The following DLGAP1 variants were observed in gnomAD, a reference collection of about 807,000 sequenced individuals.
The protein encoded by DLGAP1 is DLG associated protein 1.
Under a neutral mutation model 90.8 loss-of-function variants are expected in DLGAP1, and 11 were observed. The ratio of observed to expected loss-of-function variants is 0.12; its 90% CI spans 0.08 to 0.20. The LOEUF is 0.20. Among genes scored for constraint, DLGAP1 ranks in the 10% least tolerant of loss-of-function variants. DLGAP1 has a pLI of 1.00. For synonymous variants in DLGAP1, 558 were observed against 540.7 expected (o/e 1.03, Z -0.44); for missense variants, 1,050 against 1,333.8 (o/e 0.79, Z 3.31).
chr18:4,111,141 A>G (rs1266998697), intron 2 of DLGAP1, among the ~76,000 whole-genome samples: 2 of 152,074 alleles, frequency 1.3e-5, no homozygotes, highest in Non-Finnish European at 2.9e-5. Context: ...ATTTCGTCAT[A>G]TACTTTTTCT....
chr18:3,656,763 C>G lies in DLGAP1; in HGVS notation c.1591+72372G>C, dbSNP rs189990599. Reference sequence around the variant, plus strand: ...TTTTTTTTTTTTTGAGACAGAGTCTCGCTCTGTCACCCAGGCTGGAGTGCA... The same window carrying G: ...TTTTTTTTTTTTTGAGACAGAGTCTGGCTCTGTCACCCAGGCTGGAGTGCA... On this transcript the variant is annotated intron_variant, in intron 7 of 12. Coordinates refer to ENST00000315677, the MANE Select transcript of DLGAP1 (RefSeq NM_004746.4). Among the ~76,000 whole-genome samples, 51 of 151,434 alleles carry G rather than the reference C, an allele frequency of 3.4e-4. No individual in the cohort carries two copies. The East Asian group carries it at 9.2e-3, about 27-fold the overall frequency.
intron 1 of DLGAP1, among the ~76,000 whole-genome samples, chr18:4,177,351 A>AACAC (rs34299932): frequency 0.021 from 3,043 of 141,610 alleles, 35 homozygotes; most frequent in South Asian, 0.031. Context: ...ACTTTCTTTG[A>AACAC]ACACACACAC....
chr18:3,704,826 A>G (rs888565296), intron 7 of DLGAP1, among the ~76,000 whole-genome samples: 2 of 152,182 alleles, frequency 1.3e-5, no homozygotes, highest in African/African-American at 4.8e-5. Context: ...CTGTGGTCAT[A>G]GAGACTGGCA....
chr18:4,219,027 G>GTTTTTTTTTTTTTTTTTTTTTTT (rs34333673), intron 1 of DLGAP1, among the ~76,000 whole-genome samples: 3 of 92,018 alleles, frequency 3.3e-5, no homozygotes, highest in East Asian at 3.2e-4. Flanking sequence ...TTCTATCTTT[G>GTTTTTTTTTTTTTTTTTTTTTTT]TTTTTTTTTT....
chr18:3,528,110 C>T (rs986327649), intron 10 of DLGAP1, among the ~76,000 whole-genome samples: 1 of 152,194 alleles, frequency 6.6e-6, no homozygotes, highest in Non-Finnish European at 1.5e-5. Context: ...AAGACCAGAT[C>T]TCCTGGGGGG....
rs238114 is a variant in DLGAP1 at position 3,497,854 on chromosome 18, C to G, written c.*1331G>C. The G allele has an allele frequency of 0.37, 55,754 of 152,140 alleles. 10,535 individuals are homozygous for G. The highest frequency in any genetic ancestry group is 0.57 in the South Asian group (2,729 of 4,822). The allele number at this position is 152,140 out of a possible 1,614,324, so 9.4% of individuals were successfully genotyped here. On this transcript the variant is annotated 3_prime_UTR_variant, in exon 13 of 13. Coordinates refer to ENST00000315677, the MANE Select transcript of DLGAP1 (RefSeq NM_004746.4). ...AGTGTTTATGAATCATGACTCCCCCCACCTCTTCATGGCTGTTGACCCTGG... is the reference window on the plus strand; with the variant it reads ...AGTGTTTATGAATCATGACTCCCCCGACCTCTTCATGGCTGTTGACCCTGG...
At chr18:3,540,210 T>C (rs570642076) in intron 9 of DLGAP1, among the ~76,000 whole-genome samples, 24 of 152,066 alleles carry the variant, frequency 1.6e-4, no homozygotes, top group African/African-American at 5.5e-4. Context: ...CTCACGTCTG[T>C]AGTCCCAGCA....
At chr18:4,002,483 A>G (rs987438070) in intron 3 of DLGAP1, among the ~76,000 whole-genome samples, 1 of 51,010 alleles carries the variant, frequency 2.0e-5, no homozygotes, top group Non-Finnish European at 5.3e-5. Context: ...AAAGACCTTT[A>G]TGATGACCCA....
chr18:4,382,200 G>A (rs146931149), intron 1 of DLGAP1, among the ~76,000 whole-genome samples: 221 of 152,212 alleles, frequency 1.5e-3, no homozygotes, highest in Middle Eastern at 3.4e-3. Context: ...CAGCGGAATG[G>A]CTAAGAGTCA....
intron 4 of DLGAP1, among the ~76,000 whole-genome samples, chr18:3,870,299 T>C (rs1218006663): frequency 1.3e-5 from 2 of 152,182 alleles, no homozygotes; most frequent in East Asian, 3.8e-4. Context: ...TGGCCATACA[T>C]ATATATGATT....
At chr18:4,436,684 T>C (rs1021232085) in intron 1 of DLGAP1, among the ~76,000 whole-genome samples, 1 of 152,202 alleles carries the variant, frequency 6.6e-6, no homozygotes, top group Non-Finnish European at 1.5e-5. Context: ...AATTACAGAA[T>C]TGAACTTCAA....
At chr18:4,278,497 T>C (rs2079469750) in intron 1 of DLGAP1, among the ~76,000 whole-genome samples, 1 of 152,192 alleles carries the variant, frequency 6.6e-6, no homozygotes, top group Non-Finnish European at 1.5e-5. Context: ...TGTCCATGTG[T>C]ACACATTAGC....
intron 9 of DLGAP1, among the ~76,000 whole-genome samples, chr18:3,551,154 TATACA>T (rs1330891408): frequency 0.022 from 186 of 8,318 alleles, 4 homozygotes; most frequent in African/African-American, 0.025. Context: ...ACTAATATTA[TATACA>T]TATATATATA....
intron 3 of DLGAP1, among the ~76,000 whole-genome samples, chr18:3,944,474 A>C (rs1457348242): frequency 6.6e-6 from 1 of 152,180 alleles, no homozygotes; most frequent in Non-Finnish European, 1.5e-5. Context: ...ACTGCACTCC[A>C]GCCTGGGCTA....
intron 1 of DLGAP1, among the ~76,000 whole-genome samples, chr18:4,307,448 C>CA (rs1412045602): frequency 3.3e-5 from 5 of 152,176 alleles, no homozygotes; most frequent in Non-Finnish European, 7.3e-5. Flanking sequence ...TTTTCACACA[C>CA]AAAGTTACAC....
At chr18:4,307,479 G>A (rs572034525) in intron 1 of DLGAP1, among the ~76,000 whole-genome samples, 40 of 152,082 alleles carry the variant, frequency 2.6e-4, no homozygotes, top group African/African-American at 9.4e-4. Flanking sequence ...TGTCCAAATC[G>A]TGCTAAATGC....
chr18:3,991,265 C>G (rs2073962789), intron 3 of DLGAP1, among the ~76,000 whole-genome samples: 1 of 152,110 alleles, frequency 6.6e-6, no homozygotes, highest in Non-Finnish European at 1.5e-5. Flanking sequence ...ATGTCTTGCT[C>G]AGACTTTTTC....
At chr18:4,409,782 ATTTG>A (rs943544952) in intron 1 of DLGAP1, among the ~76,000 whole-genome samples, 20 of 151,664 alleles carry the variant, frequency 1.3e-4, no homozygotes, top group Admixed American at 7.2e-4. Context: ...TTTCTTACTG[ATTTG>A]TTTGACCCTC....
At chr18:3,861,568 G>T (rs115509278) in intron 4 of DLGAP1, among the ~76,000 whole-genome samples, 1,676 of 152,276 alleles carry the variant, frequency 0.011, 24 homozygotes, top group African/African-American at 0.035. Flanking sequence ...AGGGCACACA[G>T]CCTCAGATAG....
Sources: allele counts gnomAD v4.1 joint callset (sites outside exome capture counted in the v4.1 genomes callset), GRCh38; gene constraint gnomAD v4.1.1; transcripts MANE v1.5; gene names NCBI Gene and HGNC (gene_info 2026-07-23, HGNC 2026-07-21).